Variants in TSPAN18 observed in about 807,000 individuals in gnomAD.
TSPAN18 encodes tetraspanin 18, also known as tetraspanin-18.
TSPAN18 carries 14 observed loss-of-function variants against 27.3 expected under a neutral mutation model. The observed-to-expected ratio is 0.51, with a 90% CI of 0.34 to 0.80. TSPAN18 has a LOEUF of 0.80. TSPAN18 is among the 30% of genes least tolerant of loss of function. The pLI is 0.01. For missense variants in TSPAN18, 268 were observed against 323.9 expected, an observed-to-expected ratio of 0.83 and a Z score of 1.32; for synonymous variants, 143 against 136.5, an observed-to-expected ratio of 1.05 and a Z score of -0.33.
intron 3 of TSPAN18, among the ~76,000 whole-genome samples, chr11:44,871,459 G>A (rs571635608): frequency 6.6e-6 from 1 of 152,204 alleles, no homozygotes; most frequent in East Asian, 1.9e-4. Flanking sequence ...TGAATTTGGG[G>A]GGACACAAAC....
intron 1 of TSPAN18, among the ~76,000 whole-genome samples, chr11:44,755,887 A>T (rs1565135250): frequency 6.6e-6 from 1 of 151,878 alleles, no homozygotes; most frequent in South Asian, 2.1e-4. Flanking sequence ...AGCCAGGAAG[A>T]GATGTAGGGT....
intron 3 of TSPAN18, among the ~76,000 whole-genome samples, chr11:44,893,879 G>A (rs1033492106): frequency 6.6e-6 from 1 of 152,134 alleles, no homozygotes; most frequent in African/African-American, 2.4e-5. Flanking sequence ...AGGCTCTCCC[G>A]ACCCCAGCCT....
chr11:44,846,908 T>C (rs115207512), intron 2 of TSPAN18, among the ~76,000 whole-genome samples: 1,978 of 152,286 alleles, frequency 0.013, 43 homozygotes, highest in African/African-American at 0.045. Flanking sequence ...ATTGAATGCC[T>C]ACTATATGCC....
chr11:44,907,797 G>A (rs1308951120), intron 4 of TSPAN18, among the ~76,000 whole-genome samples: 1 of 152,164 alleles, frequency 6.6e-6, no homozygotes, highest in African/African-American at 2.4e-5. Context: ...GCTCACATCT[G>A]TAATCCCAGC....
At chr11:44,772,905 C>T (rs1855721164) in intron 2 of TSPAN18, among the ~76,000 whole-genome samples, 1 of 151,974 alleles carries the variant, frequency 6.6e-6, no homozygotes, top group African/African-American at 2.4e-5. Flanking sequence ...GATCCACCTG[C>T]CTCAGCCTCC....
At chr11:44,745,194 G>A (rs1855042840) in intron 1 of TSPAN18, among the ~76,000 whole-genome samples, 1 of 152,208 alleles carries the variant, frequency 6.6e-6, no homozygotes, top group African/African-American at 2.4e-5. Flanking sequence ...CAGGAAGTCT[G>A]GTTGGTACTG....
intron 1 of TSPAN18, among the ~76,000 whole-genome samples, chr11:44,731,690 A>C (rs1049870463): frequency 6.8e-6 from 1 of 147,190 alleles, no homozygotes; most frequent in African/African-American, 2.5e-5. Context: ...AAGGGTGAAT[A>C]AGTTGCTTTT....
chr11:44,731,216 G>A (rs1163464528), intron 1 of TSPAN18, among the ~76,000 whole-genome samples: 2 of 152,194 alleles, frequency 1.3e-5, no homozygotes, highest in South Asian at 2.1e-4. Context: ...CAGATGGAGC[G>A]ATGTGGCCTT....
rs756331046 is a variant in TSPAN18 at position 44,930,903 on chromosome 11, G to T, written c.*1725G>T. ...CTGTCTCACAAGCCACCGGCATCCTGTATCAGCTTCCAGCCTCCCCTCAGG... is the reference window on the plus strand; with the variant it reads ...CTGTCTCACAAGCCACCGGCATCCTTTATCAGCTTCCAGCCTCCCCTCAGG... On this transcript the variant is annotated 3_prime_UTR_variant, in exon 10 of 10. Transcript: ENST00000520358. The T allele has an allele frequency of 1.9e-6, 1 of 526,058 alleles. No individual in the cohort carries two copies. The highest frequency in any genetic ancestry group is 3.9e-6 in the Non-Finnish European group (1 of 256,208). The allele number at this position is 526,058 out of a possible 1,614,324, so 32.6% of individuals were successfully genotyped here.
At chr11:44,790,618 G>A (rs1590473979) in intron 2 of TSPAN18, among the ~76,000 whole-genome samples, 1 of 152,092 alleles carries the variant, frequency 6.6e-6, no homozygotes, top group Non-Finnish European at 1.5e-5. Flanking sequence ...GTTCGTGTGT[G>A]TGTGTGCATG....
chr11:44,786,962 A>G (rs1856073365), intron 2 of TSPAN18, among the ~76,000 whole-genome samples: 1 of 152,014 alleles, frequency 6.6e-6, no homozygotes, highest in African/African-American at 2.4e-5. Flanking sequence ...CCCTTGCTCC[A>G]TTTTCCTCTG....
rs990207440 is a variant in TSPAN18 at position 44,930,628 on chromosome 11, C to T, written c.*1450C>T. On this transcript the variant is annotated 3_prime_UTR_variant, in exon 10 of 10. Transcript: ENST00000520358. The stretch of plus-strand genomic sequence containing the variant: ...AAGTATTCAGTTCTCAAACTCTAGA[C>T]GAGTGTTGGCAACTGGATTGCAAGA... 5 of 340,182 alleles carry T rather than the reference C, an allele frequency of 1.5e-5. No individual in the cohort carries two copies. Among genetic ancestry groups the T allele is most frequent in the South Asian group, 6.6e-5 (3 of 45,430 alleles). The allele number at this position is 340,182 out of a possible 1,614,324, so 21.1% of individuals were successfully genotyped here.
At chr11:44,851,250 A>T (rs1857593287) in intron 2 of TSPAN18, among the ~76,000 whole-genome samples, 1 of 152,150 alleles carries the variant, frequency 6.6e-6, no homozygotes, top group South Asian at 2.1e-4. Flanking sequence ...TCTGAGTGGA[A>T]GCTGCTTCCG....
chr11:44,855,167 T>C (rs1164570208), intron 2 of TSPAN18, among the ~76,000 whole-genome samples: 2 of 152,196 alleles, frequency 1.3e-5, no homozygotes, highest in African/African-American at 4.8e-5. Flanking sequence ...TTTCATTAAC[T>C]TAACTCATTT....
Position 44,811,274 on chromosome 11 carries a change from A to ATGTTT in TSPAN18, c.-153+46773_-153+46777dup, listed in dbSNP as rs150652136. ...TGTTGATGTTTATTCACATAATCTGATGTTTTGTTTTGTTTCGTTTTGTTT... is the reference window on the plus strand; with the variant it reads ...TGTTGATGTTTATTCACATAATCTGATGTTTTGTTTTGTTTTGTTTCGTTTTGTTT... On this transcript the variant is annotated intron_variant, in intron 2 of 9. Transcript: ENST00000520358. Among the ~76,000 whole-genome samples, 47 of 151,634 alleles carry ATGTTT rather than the reference A, an allele frequency of 3.1e-4. 1 individual carries two copies. The highest frequency in any genetic ancestry group is 6.0e-4 in the Non-Finnish European group (41 of 67,948).
chr11:44,889,741 G>A (rs1017906695), intron 3 of TSPAN18, among the ~76,000 whole-genome samples: 8 of 152,204 alleles, frequency 5.3e-5, no homozygotes, highest in Non-Finnish European at 7.3e-5. Context: ...CAGCTTGCTT[G>A]GAGCCCTGGA....
At chr11:44,874,995 G>A (rs1246088917) in intron 3 of TSPAN18, among the ~76,000 whole-genome samples, 1 of 152,206 alleles carries the variant, frequency 6.6e-6, no homozygotes, top group Non-Finnish European at 1.5e-5. Context: ...TTAAATTGGG[G>A]GCAGAGGGGG....
chr11:44,851,116 A>G (rs1857589619), intron 2 of TSPAN18, among the ~76,000 whole-genome samples: 1 of 152,190 alleles, frequency 6.6e-6, no homozygotes, highest in Admixed American at 6.5e-5. Context: ...AGACTTGGCC[A>G]TGCTGCACGT....
At chr11:44,906,272 C>G in intron 3 of TSPAN18, 135 bp from the exon 4 acceptor site, 1 of 806,800 alleles carries the variant, frequency 1.2e-6, no homozygotes, top group Admixed American at 1.9e-5. Flanking sequence ...GCATGCTCAT[C>G]TCTATCATCG....
Sources: allele counts gnomAD v4.1 joint callset (sites outside exome capture counted in the v4.1 genomes callset), GRCh38; gene constraint gnomAD v4.1.1; transcripts MANE v1.5; gene names NCBI Gene and HGNC (gene_info 2026-07-23, HGNC 2026-07-21).